The following PCNX1 variants were observed in gnomAD, a reference collection of about 807,000 sequenced individuals.
PCNX1 encodes the protein pecanex-like protein 1.
Under a neutral mutation model 242.2 loss-of-function variants are expected in PCNX1, and 78 were observed. That is an observed-to-expected ratio of 0.32 (90% CI 0.27 to 0.39). The LOEUF is 0.39. Among genes scored for constraint, PCNX1 ranks in the 10% least tolerant of loss-of-function variants. PCNX1 has a pLI of 1.00. For synonymous variants in PCNX1, 1,024 were observed against 1,032.9 expected, an observed-to-expected ratio of 0.99 and a Z score of 0.17; for missense variants, 2,581 against 2,856.5, an observed-to-expected ratio of 0.90 and a Z score of 2.20.
chr14:71,088,302 A>C, intron 28 of PCNX1, 28 bp from the exon 29 acceptor site: 1 of 1,313,588 alleles, frequency 7.6e-7, no homozygotes, highest in Non-Finnish European at 1.1e-6. Context: ...TACCTTTCTG[A>C]TAACTAATGT....
At chr14:71,020,692 T>C (rs542590864) in intron 12 of PCNX1, among the ~76,000 whole-genome samples, 5 of 152,190 alleles carry the variant, frequency 3.3e-5, no homozygotes, top group Non-Finnish European at 7.3e-5. Flanking sequence ...TTGCAAAAAT[T>C]TTCTCCCATT....
intron 5 of PCNX1, among the ~76,000 whole-genome samples, chr14:70,975,185 C>G (rs1216921214): frequency 6.6e-6 from 1 of 152,024 alleles, no homozygotes; most frequent in Non-Finnish European, 1.5e-5. Context: ...GTGAATATCA[C>G]ACCAACCGAT....
rs200886316 is a variant in PCNX1, at chr14:70,971,122, T to G, written c.604+2012T>G. On this transcript the variant is annotated intron_variant, in intron 5 of 35. Coordinates refer to ENST00000304743, the MANE Select transcript of PCNX1 (RefSeq NM_014982.3). ...GCTATACTACTTTATATAGTTTTTT[T>G]TTTTTTTTTTTTTTTTTTTTTTTTT... Among the ~76,000 whole-genome samples, 17 of 2,480 alleles carry G rather than the reference T, an allele frequency of 6.9e-3. 6 individuals carry two copies. The highest frequency in any genetic ancestry group is 0.06 in the South Asian group (3 of 50). The allele number at this position is 2,480 out of a possible 152,430, so 1.6% of individuals were successfully genotyped here.
chr14:70,910,520 C>G (rs1290350818), intron 1 of PCNX1, among the ~76,000 whole-genome samples: 1 of 152,056 alleles, frequency 6.6e-6, no homozygotes, highest in Non-Finnish European at 1.5e-5. Context: ...TTCCCTCTGT[C>G]TGGATGACTC....
intron 3 of PCNX1, among the ~76,000 whole-genome samples, chr14:70,967,607 G>A (rs1292843018): frequency 6.6e-6 from 1 of 152,122 alleles, no homozygotes; most frequent in Non-Finnish European, 1.5e-5. Flanking sequence ...CTTATAGTTT[G>A]TGCTAAAAAT....
At chr14:71,028,049 C>T (rs993104884) in intron 15 of PCNX1, among the ~76,000 whole-genome samples, 3 of 151,752 alleles carry the variant, frequency 2.0e-5, no homozygotes, top group African/African-American at 7.2e-5. Flanking sequence ...ATCTGTTACC[C>T]ATGTTTTAAA....
intron 30 of PCNX1, among the ~76,000 whole-genome samples, chr14:71,101,144 A>G (rs1225353916): frequency 4.6e-5 from 7 of 152,146 alleles, no homozygotes; most frequent in Admixed American, 4.6e-4. Flanking sequence ...TGGTCAGTTG[A>G]CTTGAGTGCA....
At chr14:70,929,424 A>G (rs1455827829) in intron 1 of PCNX1, among the ~76,000 whole-genome samples, 1 of 152,120 alleles carries the variant, frequency 6.6e-6, no homozygotes, top group Non-Finnish European at 1.5e-5. Context: ...CCACTTGCCC[A>G]GTTACTGTTT....
intron 5 of PCNX1, among the ~76,000 whole-genome samples, chr14:70,976,521 C>T (rs941514020): frequency 1.3e-5 from 2 of 151,854 alleles, no homozygotes; most frequent in Admixed American, 6.6e-5. Context: ...TACAGGCGCT[C>T]GCCACCACGC....
At position 71,033,552 on chromosome 14, in the gene PCNX1, A is replaced by G. The variant is rs1388454198; in HGVS notation, c.3668+14A>G. On this transcript the variant is annotated intron_variant, in intron 17 of 35. Coordinates refer to ENST00000304743, the MANE Select transcript of PCNX1 (RefSeq NM_014982.3). ...ATCTGTACTTTTGTAAGTGAACTCA[A>G]TTGTTATTGAATTAAAAGAAATTTA... 2 of 1,316,094 alleles carry G rather than the reference A, an allele frequency of 1.5e-6. No individual in the cohort carries two copies. The highest frequency in any genetic ancestry group is 2.2e-6 in the Non-Finnish European group (2 of 919,922). 81.5% of individuals were successfully genotyped at this position (1,316,094 alleles called of 1,614,324 possible). A position where few individuals can be genotyped will look rare whatever the true frequency, so the allele number is the denominator to read the frequency against.
intron 2 of PCNX1, among the ~76,000 whole-genome samples, chr14:70,951,533 C>T (rs1377282651): frequency 6.1e-5 from 9 of 148,498 alleles, no homozygotes; most frequent in Admixed American, 6.0e-4. Context: ...CACCACCACG[C>T]CCAGCTAATT....
chr14:71,114,960 A>G lies in PCNX1; in HGVS notation c.*5025A>G, dbSNP rs61990459. 8.5e-6 allele frequency: 1 copy of G among 117,796 alleles called. No individual in the cohort carries two copies. Among genetic ancestry groups the G allele is most frequent in the Non-Finnish European group, 1.8e-5 (1 of 56,108 alleles). 7.3% of individuals were successfully genotyped at this position (117,796 alleles called of 1,614,324 possible). A position where few individuals can be genotyped will look rare whatever the true frequency, so the allele number is the denominator to read the frequency against. ...AATAGAAATGGGGGGGGGGGGGGGAATCATGTCTGCTTATGCTTTTTAAAA... is the reference window on the plus strand; with the variant it reads ...AATAGAAATGGGGGGGGGGGGGGGAGTCATGTCTGCTTATGCTTTTTAAAA... On this transcript the variant is annotated 3_prime_UTR_variant, in exon 36 of 36. Coordinates refer to ENST00000304743, the MANE Select transcript of PCNX1 (RefSeq NM_014982.3).
intron 2 of PCNX1, among the ~76,000 whole-genome samples, chr14:70,958,687 C>T (rs1470457138): frequency 1.3e-5 from 2 of 152,070 alleles, no homozygotes; most frequent in African/African-American, 2.4e-5. Context: ...AGAGAAATTT[C>T]CTCCCACCAA....
At chr14:70,931,239 T>C (rs374429887) in intron 1 of PCNX1, among the ~76,000 whole-genome samples, 1 of 152,128 alleles carries the variant, frequency 6.6e-6, no homozygotes, top group Non-Finnish European at 1.5e-5. Context: ...TGTGAGTAAG[T>C]AGAGGTGTTC....
intron 1 of PCNX1, among the ~76,000 whole-genome samples, chr14:70,910,028 C>A (rs1365421273): frequency 2.6e-4 from 3 of 11,398 alleles, no homozygotes; most frequent in East Asian, 9.9e-4. Context: ...GACGACGACT[C>A]CTCCCTCCTC....
chr14:71,013,279 GT>G, intron 11 of PCNX1, 77 bp downstream of exon 11: 1 of 1,088,096 alleles, frequency 9.2e-7, no homozygotes, highest in Non-Finnish European at 1.4e-6. Flanking sequence ...ACCCACTGAG[GT>G]TTTTACCTGG....
At chr14:70,987,070 A>G (rs1204084437) in intron 6 of PCNX1, among the ~76,000 whole-genome samples, 1 of 152,036 alleles carries the variant, frequency 6.6e-6, no homozygotes, top group Non-Finnish European at 1.5e-5. Context: ...TTCATCCTTC[A>G]TCCATTGATT....
At position 70,999,392 on chromosome 14, in the gene PCNX1, A is replaced by G. The variant is rs1198682068; in HGVS notation, c.2629+3467A>G. Among the ~76,000 whole-genome samples, 5 of 152,176 alleles carry G rather than the reference A, an allele frequency of 3.3e-5. No individual in the cohort carries two copies. The South Asian group carries it at 8.3e-4, about 25-fold the overall frequency. ...GGGTGAGGAAATGCTTTGAAAGTGTATATGAAGCTATTATTTTGTCTTTAT... is the reference window on the plus strand; with the variant it reads ...GGGTGAGGAAATGCTTTGAAAGTGTGTATGAAGCTATTATTTTGTCTTTAT... On this transcript the variant is annotated intron_variant, in intron 8 of 35. Transcript: ENST00000304743.
At chr14:70,929,669 A>G (rs1307778450) in intron 1 of PCNX1, among the ~76,000 whole-genome samples, 1 of 152,250 alleles carries the variant, frequency 6.6e-6, no homozygotes, top group African/African-American at 2.4e-5. Context: ...TTAAGTACAA[A>G]TGGACATTTG....
Sources: allele counts gnomAD v4.1 joint callset (sites outside exome capture counted in the v4.1 genomes callset), GRCh38; gene constraint gnomAD v4.1.1; transcripts MANE v1.5; gene names NCBI Gene and HGNC (gene_info 2026-07-23, HGNC 2026-07-21).